The following FTCDNL1 variants were observed in gnomAD, a reference collection of about 807,000 sequenced individuals.
FTCDNL1 encodes formiminotransferase N-terminal subdomain-containing protein.
FTCDNL1 carries 11 observed loss-of-function variants against 5.9 expected under a neutral mutation model. That is an observed-to-expected ratio of 1.87 (90% CI 1.18 to 3.10). FTCDNL1 has a LOEUF of 3.10. FTCDNL1 is among the 30% of genes most tolerant of loss of function. FTCDNL1 has a pLI of 0.00. For missense variants in FTCDNL1, 115 were observed against 65.5 expected, an observed-to-expected ratio of 1.76 and a Z score of -2.61; for synonymous variants, 58 against 24.8, an observed-to-expected ratio of 2.34 and a Z score of -3.99.
the FTCDNL1 span, among the ~76,000 whole-genome samples, chr2:199,683,022 A>T: frequency 6.6e-6 from 1 of 152,184 alleles, no homozygotes. Flanking sequence ...TATAATTGTG[A>T]GGAGAGAACA....
the FTCDNL1 span, among the ~76,000 whole-genome samples, chr2:199,669,580 T>C: frequency 6.6e-6 from 1 of 152,284 alleles, no homozygotes; most frequent in Admixed American, 6.5e-5. Flanking sequence ...GATTTGTGCG[T>C]CCTCTTATAT....
At chr2:199,712,881 T>C in the FTCDNL1 span, among the ~76,000 whole-genome samples, 2 of 152,182 alleles carry the variant, frequency 1.3e-5, no homozygotes, top group African/African-American at 4.8e-5. Flanking sequence ...TACTGCAGTA[T>C]GACCTTACCT....
At chr2:199,844,284 C>CG (rs529979051) in intron 3 of FTCDNL1, 233 of 422,254 alleles carry the variant, frequency 5.5e-4, no homozygotes, top group Non-Finnish European at 8.0e-4. Context: ...CAACTTTTCC[C>CG]GGGGGCTGAG....
intron 4 of FTCDNL1, among the ~76,000 whole-genome samples, chr2:199,816,818 T>C (rs886590530): frequency 2.0e-4 from 31 of 152,348 alleles, no homozygotes; most frequent in African/African-American, 7.5e-4. Flanking sequence ...ATATTTATTT[T>C]GGCTGTAGCA....
At chr2:199,770,794 A>G (rs116184453) in intron 3 of FTCDNL1, among the ~76,000 whole-genome samples, 1 of 152,332 alleles carries the variant, frequency 6.6e-6, no homozygotes, top group African/African-American at 2.4e-5. Context: ...CGCTTCACTC[A>G]CAGCTACATG....
At chr2:199,729,533 T>C in the FTCDNL1 span, among the ~76,000 whole-genome samples, 2 of 152,084 alleles carry the variant, frequency 1.3e-5, no homozygotes, top group Admixed American at 1.3e-4. Flanking sequence ...TGTGCAAAAA[T>C]CACAAGCATT....
At chr2:199,725,444 A>G in the FTCDNL1 span, among the ~76,000 whole-genome samples, 12 of 151,992 alleles carry the variant, frequency 7.9e-5, no homozygotes, top group Non-Finnish European at 1.8e-4. Flanking sequence ...CTGGCTAGTT[A>G]TTTTTCAGAC....
chr2:199,688,442 G>A, the FTCDNL1 span, among the ~76,000 whole-genome samples: 1 of 151,998 alleles, frequency 6.6e-6, no homozygotes, highest in South Asian at 2.1e-4. Flanking sequence ...GGAATCTGGT[G>A]CCCTTTTTTG....
intron 3 of FTCDNL1, among the ~76,000 whole-genome samples, chr2:199,779,262 T>C (rs914050689): frequency 5.3e-5 from 8 of 152,314 alleles, no homozygotes; most frequent in African/African-American, 1.9e-4. Context: ...AAAGTTGAAG[T>C]GAAACATATT....
the FTCDNL1 span, among the ~76,000 whole-genome samples, chr2:199,664,818 G>A: frequency 2.6e-5 from 4 of 151,964 alleles, no homozygotes; most frequent in Non-Finnish European, 5.9e-5. Flanking sequence ...ATATAACAGT[G>A]TCAGCATAAT....
chr2:199,799,841 T>A (rs1159222732), intron 3 of FTCDNL1, among the ~76,000 whole-genome samples: 1 of 152,076 alleles, frequency 6.6e-6, no homozygotes, highest in African/African-American at 2.4e-5. Context: ...AGACCCTTCC[T>A]TTGCTGAGCA....
chr2:199,832,728 ACCCC>A (rs1358853175), intron 3 of FTCDNL1, among the ~76,000 whole-genome samples: 1 of 152,054 alleles, frequency 6.6e-6, no homozygotes, highest in Non-Finnish European at 1.5e-5. Flanking sequence ...ACTGCTCTGT[ACCCC>A]CTCCACAAGG....
chr2:199,774,948 C>T (rs889582066), intron 3 of FTCDNL1, among the ~76,000 whole-genome samples: 1 of 152,184 alleles, frequency 6.6e-6, no homozygotes, highest in Non-Finnish European at 1.5e-5. Flanking sequence ...AGTACCAGTC[C>T]TCTCAGAATC....
chr2:199,687,818 C>T, the FTCDNL1 span, among the ~76,000 whole-genome samples: 1 of 152,166 alleles, frequency 6.6e-6, no homozygotes, highest in South Asian at 2.1e-4. Context: ...CAGACATTGT[C>T]TATGTACTTC....
chr2:199,826,482 C>T, intron 3 of FTCDNL1, among the ~76,000 whole-genome samples: 2 of 114,512 alleles, frequency 1.7e-5, no homozygotes, highest in Admixed American at 1.1e-4. Context: ...CTAGAAATTT[C>T]TCAGTCAAAA....
the FTCDNL1 span, among the ~76,000 whole-genome samples, chr2:199,740,944 G>A: frequency 1.3e-5 from 2 of 152,168 alleles, no homozygotes; most frequent in East Asian, 3.9e-4. Flanking sequence ...GGTCCACTGT[G>A]TGCCAGCTTC....
At chr2:199,818,957 G>GGGT (rs1397151450) in intron 4 of FTCDNL1, 1 of 152,282 alleles carries the variant, frequency 6.6e-6, no homozygotes, top group African/African-American at 2.4e-5. Context: ...ACATCCCTTA[G>GGGT]GGTGGGGCAG....
In FTCDNL1 at chr2:199,775,722, A is replaced by G. The variant is rs188148736; in HGVS notation, c.212-14887T>C. On this transcript the variant is annotated intron_variant, in intron 3 of 3. Transcript: ENST00000416668. ...TTTAGAACATAAAGAAAGGAACTTAAGAAGGAAAAAAGAAAGAGAAAGCCA... is the reference window on the plus strand; with the variant it reads ...TTTAGAACATAAAGAAAGGAACTTAGGAAGGAAAAAAGAAAGAGAAAGCCA... Among the ~76,000 whole-genome samples the G allele has an allele frequency of 2.0e-4, 31 of 152,318 alleles. No individual in the cohort carries two copies. The East Asian group carries it at 6.0e-3, about 29-fold the overall frequency.
At chr2:199,803,733 G>C (rs934129781) in intron 3 of FTCDNL1, among the ~76,000 whole-genome samples, 2 of 152,130 alleles carry the variant, frequency 1.3e-5, no homozygotes, top group African/African-American at 2.4e-5. Flanking sequence ...TGAATTGCTG[G>C]GATTACAGGC....
Sources: allele counts gnomAD v4.1 joint callset (sites outside exome capture counted in the v4.1 genomes callset), GRCh38; gene constraint gnomAD v4.1.1; transcripts MANE v1.5; gene names NCBI Gene and HGNC (gene_info 2026-07-23, HGNC 2026-07-21).